The following DNAH7 variants were observed in gnomAD, a reference collection of about 807,000 sequenced individuals.
DNAH7 encodes the protein axonemal beta dynein heavy chain 7.
A neutral mutation model predicts 444.6 loss-of-function variants in DNAH7; 397 were observed. The observed-to-expected ratio is 0.89, with a 90% CI of 0.82 to 0.97. The LOEUF (loss-of-function observed/expected upper bound fraction) is 0.97. Ranked by LOEUF, DNAH7 falls within the 50% of genes least tolerant of loss-of-function variation. The probability of loss-of-function intolerance (pLI) is 0.00; values close to 1 mark genes in which losing one functional copy is unlikely to be tolerated. For missense variants in DNAH7, 4,902 were observed against 4,800.8 expected, an observed-to-expected ratio of 1.02 and a Z score of -0.62; for synonymous variants, 1,636 against 1,624.4, an observed-to-expected ratio of 1.01 and a Z score of -0.17.
chr2:195,994,550 GTTGT>G, intron 12 of DNAH7: 1 of 481,728 alleles, frequency 2.1e-6, no homozygotes, highest in Non-Finnish European at 4.1e-6. Context: ...TGTGGTCTTG[GTTGT>G]TTGTTTTCAC....
At chr2:195,893,835 A>G (rs962928164) in intron 30 of DNAH7, 7 of 152,196 alleles carry the variant, frequency 4.6e-5, no homozygotes, top group African/African-American at 1.7e-4. Flanking sequence ...ATACATGCTC[A>G]TATCTTCATC....
At position 195,969,928 on chromosome 2, in the gene DNAH7, T is replaced by A; in HGVS notation, c.2205+20A>T. 6.3e-7 allele frequency: 1 copy of A among 1,593,890 alleles called. No homozygotes were observed. The highest frequency in any genetic ancestry group is 1.2e-5 in the South Asian group (1 of 86,004). On this transcript the variant is annotated intron_variant, in intron 17 of 64. Transcript: ENST00000312428. ...TTTCAATTGAACTAATTCATCTTTT[T>A]AAGAATTTTTGAATTATACCTTATC... is the stretch of plus-strand genomic sequence containing the variant.
intron 30 of DNAH7, among the ~76,000 whole-genome samples, chr2:195,892,177 T>C (rs190732664): frequency 1.0e-3 from 154 of 152,330 alleles, no homozygotes; most frequent in Admixed American, 2.3e-3. Flanking sequence ...TTTCATATCA[T>C]CTGCCACATA....
At chr2:195,743,058 A>C (rs1030840371) in intron 63 of DNAH7, among the ~76,000 whole-genome samples, 1 of 152,200 alleles carries the variant, frequency 6.6e-6, no homozygotes, top group Non-Finnish European at 1.5e-5. Flanking sequence ...TGGAAAGAGC[A>C]GACTTGCTAA....
At chr2:195,876,755 GAATA>G in intron 36 of DNAH7, 56 bp from the exon 37 acceptor site, 1 of 1,223,146 alleles carries the variant, frequency 8.2e-7, no homozygotes, top group Non-Finnish European at 1.2e-6. Context: ...TGACATTTCA[GAATA>G]AACACTAAGC....
intron 15 of DNAH7, among the ~76,000 whole-genome samples, chr2:195,984,326 T>C (rs1171892164): frequency 6.6e-6 from 1 of 152,128 alleles, no homozygotes; most frequent in Non-Finnish European, 1.5e-5. Flanking sequence ...ATTTTGAAAG[T>C]CATTATTATT....
chr2:196,038,679 G>T (rs1354710723), intron 5 of DNAH7, among the ~76,000 whole-genome samples: 1 of 152,128 alleles, frequency 6.6e-6, no homozygotes, highest in East Asian at 1.9e-4. Flanking sequence ...TTTAGAATTT[G>T]CATGGTATAT....
At position 195,922,087 on chromosome 2, in the gene DNAH7, C is replaced by G; in HGVS notation, c.3935+1G>C. ...ATAGATCCTTAAATTAAAGGGTTTACCTGTAACATCTATCCGTGAGTGGTG... is the reference window on the plus strand; with the variant it reads ...ATAGATCCTTAAATTAAAGGGTTTAGCTGTAACATCTATCCGTGAGTGGTG... On this transcript the variant is annotated splice_donor_variant, in intron 24 of 64. Transcript: ENST00000312428. LOFTEE classifies it high-confidence loss of function. 6.5e-7 allele frequency: 1 copy of G among 1,547,090 alleles called. No homozygotes were observed. Among genetic ancestry groups the G allele is most frequent in the Non-Finnish European group, 8.9e-7 (1 of 1,119,356 alleles).
chr2:195,775,650 A>G (rs1574412563), intron 60 of DNAH7, among the ~76,000 whole-genome samples, 196 bp downstream of exon 60: 3 of 39,188 alleles, frequency 7.7e-5, no homozygotes, highest in Admixed American at 3.9e-4. Context: ...AGATAGATGA[A>G]AAAAAAAAAA....
chr2:195,884,737 T>C lies in DNAH7; in HGVS notation c.5611A>G (p.Lys1871Glu). The change falls in exon 35 of 65, where the codon AAG (lysine) becomes GAG (glutamate). Residue 1871 changes from lysine (K) to glutamate (E), a missense_variant. Transcript: ENST00000312428. ...CTTTCCATTAGTTCTCGAAGAATCTTATTAAATTTCAATCGATCATCATCT... is the reference window on the plus strand; with the variant it reads ...CTTTCCATTAGTTCTCGAAGAATCTCATTAAATTTCAATCGATCATCATCT... ...CTDDDRLKFN[K>E]ILRELMESPI... 1 of 1,614,186 alleles carries C rather than the reference T, an allele frequency of 6.2e-7. No individual in the cohort carries two copies. The highest frequency in any genetic ancestry group is 8.5e-7 in the Non-Finnish European group (1 of 1,180,022).
At chr2:195,857,125 C>G (rs574165555) in intron 44 of DNAH7, among the ~76,000 whole-genome samples, 106 of 151,922 alleles carry the variant, frequency 7.0e-4, no homozygotes, top group African/African-American at 2.4e-3. Context: ...GGTAAATAAA[C>G]AAAATTTTAT....
chr2:195,993,355 T>G (rs1693474482), intron 12 of DNAH7, among the ~76,000 whole-genome samples: 1 of 152,182 alleles, frequency 6.6e-6, no homozygotes, highest in Admixed American at 6.5e-5. Context: ...TTGTAAAATT[T>G]CCTTCAAAGT....
intron 53 of DNAH7, among the ~76,000 whole-genome samples, chr2:195,807,862 C>G: frequency 6.6e-6 from 1 of 152,268 alleles, no homozygotes; most frequent in Non-Finnish European, 1.5e-5. Flanking sequence ...TTATTACTAA[C>G]AAGGAGAAAT....
chr2:195,808,416 A>G (rs1696806224), intron 53 of DNAH7, among the ~76,000 whole-genome samples: 3 of 152,228 alleles, frequency 2.0e-5, no homozygotes. Flanking sequence ...TACATTGATA[A>G]TGAATAAAAA....
At chr2:195,960,977 TTTTG>T in intron 17 of DNAH7, 32 bp from the exon 18 acceptor site, 3 of 1,447,218 alleles carry the variant, frequency 2.1e-6, no homozygotes, top group Non-Finnish European at 2.7e-6. Context: ...ATATTAGTTA[TTTTG>T]AAAGTGAATG....
At chr2:195,959,916 T>C (rs12614545) in intron 18 of DNAH7, among the ~76,000 whole-genome samples, 1,723 of 152,286 alleles carry the variant, frequency 0.011, 33 homozygotes, top group East Asian at 0.071. Context: ...TTTTGAGAGT[T>C]AAAAAATAAG....
In DNAH7 at chr2:195,851,204, G is replaced by A. The variant is rs372296700; in HGVS notation, c.8781+2139C>T. On this transcript the variant is annotated intron_variant, in intron 46 of 64. Transcript: ENST00000312428. The stretch of plus-strand genomic sequence containing the variant: ...AGTTTTGATGGGAAATAAACTGCTC[G>A]CTGTTTTGACCTGAGAGAAACAGAT... 3.6e-4 allele frequency among the ~76,000 whole-genome samples: 55 copies of A among 152,280 alleles called. 1 individual carries two copies. In the East Asian group the frequency reaches 8.7e-3, roughly 24 times the overall value.
chr2:195,917,018 C>A (rs552777599), intron 24 of DNAH7, among the ~76,000 whole-genome samples: 1 of 147,658 alleles, frequency 6.8e-6, no homozygotes, highest in South Asian at 2.2e-4. Flanking sequence ...AGGAGAATGG[C>A]GTGAACCCAG....
intron 1 of DNAH7, among the ~76,000 whole-genome samples, chr2:196,060,613 T>C (rs540370770): frequency 5.9e-5 from 9 of 152,356 alleles, no homozygotes; most frequent in Admixed American, 1.3e-4. Context: ...TGCAAACATG[T>C]TAAAATCCCA....
Sources: gnomAD v4.1 joint callset for allele counts (sites outside exome capture counted in the v4.1 genomes callset) on GRCh38, gnomAD v4.1.1 for gene constraint, MANE v1.5 for transcripts, NCBI Gene and HGNC (gene_info 2026-07-23, HGNC 2026-07-21) for gene names.